ERC2: variants seen among roughly 807,000 people sequenced by gnomAD.
ERC2 encodes the protein ERC protein 2.
Under a neutral mutation model 114.8 loss-of-function variants are expected in ERC2, and 42 were observed. That is an observed-to-expected ratio of 0.37 (90% confidence interval 0.29 to 0.47). The LOEUF (loss-of-function observed/expected upper bound fraction) is 0.47, where lower values mean the gene tolerates loss of function less well. Among genes scored for constraint, ERC2 ranks in the 20% least tolerant of loss-of-function variants. The pLI is 0.99. For missense variants in ERC2, 939 were observed against 1,150.7 expected, an observed-to-expected ratio of 0.82 and a Z score of 2.66; for synonymous variants, 454 against 425.5, an observed-to-expected ratio of 1.07 and a Z score of -0.82.
At chr3:56,001,192 C>T (rs184798827) in intron 10 of ERC2, among the ~76,000 whole-genome samples, 2 of 151,978 alleles carry the variant, frequency 1.3e-5, no homozygotes, top group East Asian at 1.9e-4. Context: ...AGAAGAAGAA[C>T]AGCAACAACA....
intron 3 of ERC2, among the ~76,000 whole-genome samples, chr3:56,191,466 G>T (rs765982020): frequency 2.6e-5 from 4 of 152,062 alleles, no homozygotes; most frequent in Non-Finnish European, 4.4e-5. Flanking sequence ...CTTCTTCATG[G>T]TCTCTCTCAC....
At chr3:55,986,068 G>A (rs187159835) in intron 11 of ERC2, 80 bp from the exon 12 acceptor site, 2 of 1,321,788 alleles carry the variant, frequency 1.5e-6, no homozygotes, top group African/African-American at 2.9e-5. Context: ...ATAAAAGGAA[G>A]GAAATGCATT....
At chr3:56,081,693 A>G (rs77984559) in intron 6 of ERC2, among the ~76,000 whole-genome samples, 20,305 of 151,768 alleles carry the variant, frequency 0.13, 1,453 homozygotes, top group East Asian at 0.16. Flanking sequence ...TTTTTTTTTT[A>G]ATTTAACATT....
At chr3:55,991,908 G>A (rs541797452) in intron 11 of ERC2, 149 bp downstream of exon 11, 75 of 653,294 alleles carry the variant, frequency 1.1e-4, no homozygotes, top group African/African-American at 1.0e-3. Context: ...CCACAGAAAC[G>A]TCATCTTTCA....
At chr3:56,145,686 C>A (rs1413376385) in intron 5 of ERC2, among the ~76,000 whole-genome samples, 1 of 152,278 alleles carries the variant, frequency 6.6e-6, no homozygotes, top group East Asian at 1.9e-4. Flanking sequence ...GTTTTGTATT[C>A]CTGCCTTTGC....
chr3:55,525,311 G>T (rs1157652811), intron 17 of ERC2, among the ~76,000 whole-genome samples: 1 of 152,184 alleles, frequency 6.6e-6, no homozygotes, highest in Non-Finnish European at 1.5e-5. Context: ...GCCAGGACTG[G>T]GGATTTGAGG....
intron 3 of ERC2, among the ~76,000 whole-genome samples, chr3:56,202,737 T>G (rs191673978): frequency 4.6e-5 from 7 of 152,198 alleles, no homozygotes; most frequent in African/African-American, 1.2e-4. Context: ...CTAAAGAAGT[T>G]AAACTCATAA....
intron 14 of ERC2, among the ~76,000 whole-genome samples, chr3:55,775,761 T>C (rs1011571952): frequency 1.3e-5 from 2 of 152,186 alleles, no homozygotes; most frequent in East Asian, 3.9e-4. Context: ...TTTCCCTTCC[T>C]AATCCTCTGA....
chr3:56,316,308 A>G (rs942259949), intron 2 of ERC2, among the ~76,000 whole-genome samples: 5 of 152,258 alleles, frequency 3.3e-5, no homozygotes, highest in Admixed American at 2.0e-4. Flanking sequence ...GGTTTAAAAA[A>G]GAAAAAAGAA....
At chr3:56,139,429 T>C (rs1050122777) in intron 6 of ERC2, 80 bp downstream of exon 6, 2 of 1,417,716 alleles carry the variant, frequency 1.4e-6, no homozygotes, top group Non-Finnish European at 1.9e-6. Flanking sequence ...TAAAGGGTCT[T>C]TGGAGGAAAG....
intron 7 of ERC2, among the ~76,000 whole-genome samples, chr3:56,026,868 T>C (rs887780998): frequency 2.0e-5 from 3 of 152,208 alleles, no homozygotes; most frequent in African/African-American, 7.2e-5. Flanking sequence ...GTACCACATG[T>C]GTAGATTTAC....
At chr3:56,036,277 T>C (rs896781192) in intron 7 of ERC2, among the ~76,000 whole-genome samples, 3 of 152,146 alleles carry the variant, frequency 2.0e-5, no homozygotes, top group Middle Eastern at 3.2e-3. Context: ...GCTGAAAACT[T>C]TTCCTCTAAG....
chr3:55,838,213 A>G (rs549390190), intron 14 of ERC2, among the ~76,000 whole-genome samples: 1 of 152,226 alleles, frequency 6.6e-6, no homozygotes, highest in South Asian at 2.1e-4. Flanking sequence ...CTTTGACTTA[A>G]TTGACATTTT....
intron 6 of ERC2, among the ~76,000 whole-genome samples, chr3:56,113,505 A>ATG (rs1173273978): frequency 1.3e-5 from 2 of 152,076 alleles, no homozygotes; most frequent in South Asian, 2.1e-4. Context: ...CAGTGGGTAT[A>ATG]TGTGTGTGTG....
At chr3:56,140,755 A>G (rs2080808363) in intron 5 of ERC2, among the ~76,000 whole-genome samples, 1 of 152,122 alleles carries the variant, frequency 6.6e-6, no homozygotes, top group Admixed American at 6.5e-5. Flanking sequence ...ACAAAAATGT[A>G]TGACTCACAC....
At chr3:55,768,001 T>C (rs547348200) in intron 14 of ERC2, among the ~76,000 whole-genome samples, 1 of 152,274 alleles carries the variant, frequency 6.6e-6, no homozygotes, top group South Asian at 2.1e-4. Flanking sequence ...AATAGTGAGT[T>C]CTCACAAGAT....
At chr3:56,114,415 C>T (rs2079121756) in intron 6 of ERC2, among the ~76,000 whole-genome samples, 1 of 152,096 alleles carries the variant, frequency 6.6e-6, no homozygotes, top group Non-Finnish European at 1.5e-5. Context: ...CCATTCAACC[C>T]TTACGAAAGA....
chr3:55,665,934 A>G (rs1437314171), intron 17 of ERC2, among the ~76,000 whole-genome samples: 4 of 152,210 alleles, frequency 2.6e-5, no homozygotes, highest in African/African-American at 7.2e-5. Flanking sequence ...CATGTGGCCA[A>G]GATGGATTTA....
chr3:56,213,226 A>C (rs1158025739), intron 3 of ERC2, among the ~76,000 whole-genome samples: 1 of 152,172 alleles, frequency 6.6e-6, no homozygotes, highest in African/African-American at 2.4e-5. Context: ...GCATCACCTC[A>C]CCCAGGAAGT....
Sources: gnomAD v4.1 joint callset for allele counts (sites outside exome capture counted in the v4.1 genomes callset) on GRCh38, gnomAD v4.1.1 for gene constraint, MANE v1.5 for transcripts, NCBI Gene and HGNC (gene_info 2026-07-23, HGNC 2026-07-21) for gene names.